The following BBX variants were observed in gnomAD, a reference collection of about 807,000 sequenced individuals.
The protein encoded by BBX is BBX high mobility group box domain containing, also known as HMG box transcription factor BBX.
Under a neutral mutation model 100.2 loss-of-function variants are expected in BBX, and 30 were observed. That is an observed-to-expected ratio of 0.30 (90% CI 0.22 to 0.41). BBX has a LOEUF of 0.41. BBX is among the 10% of genes least tolerant of loss of function. The pLI, the probability that BBX is intolerant of heterozygous loss-of-function variation, is 1.00. For synonymous variants in BBX, 376 were observed against 388.1 expected (o/e 0.97, Z 0.37); for missense variants, 1,023 against 1,129.8 (o/e 0.91, Z 1.35).
At chr3:107,682,331 C>T (rs78332827) in intron 3 of BBX, among the ~76,000 whole-genome samples, 4,387 of 152,172 alleles carry the variant, frequency 0.029, 102 homozygotes, top group Non-Finnish European at 0.044. Flanking sequence ...ACAGTTCACT[C>T]GTTCATTCAT....
intron 2 of BBX, among the ~76,000 whole-genome samples, chr3:107,583,144 G>A (rs1294780858): frequency 6.6e-6 from 1 of 151,732 alleles, no homozygotes; most frequent in East Asian, 1.9e-4. Context: ...AAGTATATGG[G>A]ACTTGTCGGA....
At chr3:107,631,488 A>G (rs1452952315) in intron 2 of BBX, among the ~76,000 whole-genome samples, 1 of 152,136 alleles carries the variant, frequency 6.6e-6, no homozygotes, top group East Asian at 1.9e-4. Context: ...TACATAGTGT[A>G]AGTTTTATTC....
chr3:107,710,178 A>G (rs1021645557), intron 3 of BBX, among the ~76,000 whole-genome samples: 5 of 152,250 alleles, frequency 3.3e-5, no homozygotes, highest in African/African-American at 1.2e-4. Flanking sequence ...TTCAGAAGCT[A>G]TGGAGAGGAG....
At chr3:107,577,234 C>A (rs1418965042) in intron 2 of BBX, among the ~76,000 whole-genome samples, 7 of 152,136 alleles carry the variant, frequency 4.6e-5, no homozygotes, top group African/African-American at 1.2e-4. Context: ...TATTAAAACA[C>A]TGAAATGGAT....
intron 2 of BBX, among the ~76,000 whole-genome samples, chr3:107,547,914 A>G (rs1178873144): frequency 1.3e-5 from 2 of 152,100 alleles, no homozygotes; most frequent in African/African-American, 4.8e-5. Flanking sequence ...TTCTACTTTC[A>G]TCACATATCT....
intron 3 of BBX, among the ~76,000 whole-genome samples, chr3:107,694,561 G>T: frequency 6.9e-6 from 1 of 144,184 alleles, no homozygotes; most frequent in South Asian, 2.3e-4. Flanking sequence ...GATCATGGTG[G>T]ATAAGCTTTT....
chr3:107,533,029 C>T (rs946593469), intron 2 of BBX, among the ~76,000 whole-genome samples: 2 of 151,872 alleles, frequency 1.3e-5, no homozygotes, highest in Non-Finnish European at 2.9e-5. Context: ...GGTAGCAAAA[C>T]CTAACCCATA....
chr3:107,560,231 TG>T (rs1479379607), intron 2 of BBX, among the ~76,000 whole-genome samples: 1 of 152,024 alleles, frequency 6.6e-6, no homozygotes, highest in Non-Finnish European at 1.5e-5. Flanking sequence ...AACAAACCTC[TG>T]GGATGGGTGA....
intron 2 of BBX, among the ~76,000 whole-genome samples, chr3:107,527,911 A>C (rs1430174659): frequency 6.6e-6 from 1 of 152,230 alleles, no homozygotes; most frequent in Non-Finnish European, 1.5e-5. Flanking sequence ...ACTGTTAGGC[A>C]CATTATTTTG....
chr3:107,583,528 TA>T (rs1450490945), intron 2 of BBX, among the ~76,000 whole-genome samples: 1 of 151,974 alleles, frequency 6.6e-6, no homozygotes, highest in Non-Finnish European at 1.5e-5. Flanking sequence ...TTGATACATG[TA>T]TATAGTATGT....
At chr3:107,537,542 T>C (rs934645968) in intron 2 of BBX, among the ~76,000 whole-genome samples, 166 of 152,230 alleles carry the variant, frequency 1.1e-3, no homozygotes, top group South Asian at 6.2e-4. Context: ...CAAATTATGC[T>C]CAAAGCTTCC....
intron 7 of BBX, among the ~76,000 whole-genome samples, chr3:107,739,630 G>A (rs1471645544): frequency 2.0e-5 from 3 of 152,214 alleles, no homozygotes; most frequent in Non-Finnish European, 1.5e-5. Flanking sequence ...GAAGGCAAAG[G>A]TAGAGTGGAA....
At chr3:107,642,051 T>A (rs975451044) in intron 2 of BBX, among the ~76,000 whole-genome samples, 3 of 152,204 alleles carry the variant, frequency 2.0e-5, no homozygotes, top group African/African-American at 7.2e-5. Flanking sequence ...GCCTTTAGCC[T>A]GTAGTGGACA....
chr3:107,717,361 T>A (rs2062178498), intron 5 of BBX, among the ~76,000 whole-genome samples: 1 of 152,140 alleles, frequency 6.6e-6, no homozygotes, highest in Non-Finnish European at 1.5e-5. Flanking sequence ...TATCCATAAG[T>A]CAACATCTGC....
At chr3:107,749,853 C>T (rs564153489) in intron 9 of BBX, among the ~76,000 whole-genome samples, 5 of 152,192 alleles carry the variant, frequency 3.3e-5, no homozygotes, top group African/African-American at 1.2e-4. Flanking sequence ...AGGCTGGTCA[C>T]GAACTCCTGA....
chr3:107,711,179 C>T (rs1036507387), intron 4 of BBX: 5 of 372,954 alleles, frequency 1.3e-5, no homozygotes, highest in Non-Finnish European at 2.7e-5. Flanking sequence ...GTTCGTCCCA[C>T]CCAACTCATT....
intron 2 of BBX, among the ~76,000 whole-genome samples, chr3:107,601,223 A>T (rs2054046283): frequency 6.6e-6 from 1 of 152,100 alleles, no homozygotes; most frequent in South Asian, 2.1e-4. Context: ...AGGCCTCCCG[A>T]TTGTCTCCAA....
At chr3:107,609,383 G>A (rs1208786760) in intron 2 of BBX, among the ~76,000 whole-genome samples, 1 of 151,972 alleles carries the variant, frequency 6.6e-6, no homozygotes, top group Non-Finnish European at 1.5e-5. Context: ...TTGGTATCAG[G>A]GTAATACTGG....
intron 2 of BBX, among the ~76,000 whole-genome samples, chr3:107,561,848 TG>T (rs1341222792): frequency 6.6e-6 from 1 of 152,218 alleles, no homozygotes; most frequent in Non-Finnish European, 1.5e-5. Flanking sequence ...CATGCATATT[TG>T]TTATTTATCA....
Sources: allele counts gnomAD v4.1 joint callset (sites outside exome capture counted in the v4.1 genomes callset), GRCh38; gene constraint gnomAD v4.1.1; transcripts MANE v1.5; gene names NCBI Gene and HGNC (gene_info 2026-07-23, HGNC 2026-07-21).